The following MYH13 variants were observed in gnomAD, a reference collection of about 807,000 sequenced individuals.
MYH13 encodes myosin heavy chain 13.
Under a neutral mutation model 232.1 loss-of-function variants are expected in MYH13, and 177 were observed. That is an observed-to-expected ratio of 0.76 (90% CI 0.67 to 0.86). MYH13 has a LOEUF of 0.86. Among genes scored for constraint, MYH13 ranks in the 40% least tolerant of loss-of-function variants. MYH13 has a pLI of 0.00. For synonymous variants in MYH13, 884 were observed against 923.5 expected, an observed-to-expected ratio of 0.96 and a Z score of 0.78; for missense variants, 2,246 against 2,405.9, an observed-to-expected ratio of 0.93 and a Z score of 1.39.
Position 10,306,255 on chromosome 17 carries a change from T to TGTGTGTGC in MYH13, c.5466+203_5466+204insGCACACAC, listed in dbSNP as rs1906281627. Among the ~76,000 whole-genome samples, 3 of 151,148 alleles carry TGTGTGTGC rather than the reference T, an allele frequency of 2.0e-5. No individual in the cohort carries two copies. The highest frequency in any genetic ancestry group is 3.0e-5 in the Non-Finnish European group (2 of 67,740). On this transcript the variant is annotated intron_variant, in intron 37 of 40. Coordinates refer to ENST00000252172, the MANE Select transcript of MYH13 (RefSeq NM_003802.3). The surrounding 1 kb of genome is among the most constrained non-coding windows in gnomAD (Gnocchi z 4.3). ...GTGTGTGTGTGTGTGTGTGTGTGTGTGTGTGTGTGTGTGTTTTGGGGCATA... is the reference window on the plus strand; with the variant it reads ...GTGTGTGTGTGTGTGTGTGTGTGTGTGTGTGTGCGTGTGTGTGTGTGTTTTGGGGCATA...
chr17:10,352,104 GAGAA>G (rs1431418788), intron 11 of MYH13, among the ~76,000 whole-genome samples: 1 of 152,158 alleles, frequency 6.6e-6, no homozygotes, highest in Non-Finnish European at 1.5e-5. Flanking sequence ...TAGGTTAAAA[GAGAA>G]AGAACTCTTT....
intron 16 of MYH13, chr17:10,341,427 G>A (rs2071618953): frequency 6.6e-6 from 1 of 152,166 alleles, no homozygotes; most frequent in African/African-American, 2.4e-5. Flanking sequence ...GTAAGTAACT[G>A]AAAGTAATAA....
chr17:10,323,779 AAAAAAAAAAAGAAGAAGAAGAAG>A lies in MYH13; in HGVS notation c.2934+220_2934+242del, dbSNP rs1392257645. On this transcript the variant is annotated intron_variant, in intron 23 of 40. Transcript: ENST00000252172. ...CTCCATCTCACAAAAAAAAAAAAAA[AAAAAAAAAAAGAAGAAGAAGAAG>A]AAGAAGAAGAAGAAGAAGAAGAAGA... Among the ~76,000 whole-genome samples the A allele has an allele frequency of 6.9e-4, 70 of 100,856 alleles. 1 individual carries two copies. Among genetic ancestry groups the A allele is most frequent in the Middle Eastern group, 5.7e-3 (1 of 176 alleles). 66.2% of individuals were successfully genotyped at this position (100,856 alleles called of 152,430 possible). A position where few individuals can be genotyped will look rare whatever the true frequency, so the allele number is the denominator to read the frequency against.
At position 10,344,109 on chromosome 17, in the gene MYH13, G is replaced by A; in HGVS notation, c.1585C>T (p.Pro529Ser). Residue 529 changes from proline (P) to serine (S), a missense_variant and splice_region_variant, in exon 16 of 41, where the codon CCT (proline) becomes TCT (serine). Transcript: ENST00000252172. ...TCCAGGATGGAGAAGATGCCCATAG[G>A]CTGGAAAGAGGATAACAGAGTCTAC... ...LAACIELIEK[P>S]MGIFSILEEE... 1 of 1,613,932 alleles carries A rather than the reference G, an allele frequency of 6.2e-7. No individual in the cohort carries two copies. Among genetic ancestry groups the A allele is most frequent in the East Asian group, 2.2e-5 (1 of 44,880 alleles).
chr17:10,353,323 G>T (rs943245482), intron 11 of MYH13, among the ~76,000 whole-genome samples: 4 of 152,034 alleles, frequency 2.6e-5, no homozygotes, highest in Non-Finnish European at 5.9e-5. Context: ...AAGATAACAA[G>T]TTTATTTGAT....
chr17:10,312,109 G>C, intron 31 of MYH13, 33 bp from the exon 32 acceptor site: 2 of 1,611,030 alleles, frequency 1.2e-6, no homozygotes, highest in Non-Finnish European at 1.7e-6. Flanking sequence ...GGGAGAAGCA[G>C]AAAGCAGGGG....
intron 37 of MYH13, among the ~76,000 whole-genome samples, chr17:10,305,109 T>C (rs74774162): frequency 1.2e-3 from 188 of 152,330 alleles, no homozygotes; most frequent in African/African-American, 4.4e-3. Flanking sequence ...CTACAAAACA[T>C]TTGTTTTCCT....
Position 10,355,828 on chromosome 17 carries a change from CTTTTTTTTTTTTTTTTTTTTTTTTTTTT to C in MYH13, c.739-709_739-682del, listed in dbSNP as rs61338527. On this transcript the variant is annotated intron_variant, in intron 8 of 40. Transcript: ENST00000252172. ...TAACTGGTTGGATTGTTCTGTCTGA[CTTTTTTTTTTTTTTTTTTTTTTTTTTTT>C]TTTTTTTTTTTGCTTGTATCTTAAT... is the stretch of plus-strand genomic sequence containing the variant. Among the ~76,000 whole-genome samples, 3 of 66,768 alleles carry C rather than the reference CTTTTTTTTTTTTTTTTTTTTTTTTTTTT, an allele frequency of 4.5e-5. No homozygotes were observed. In the Admixed American group the frequency reaches 6.1e-4, roughly 14 times the overall value. 43.8% of individuals were successfully genotyped at this position (66,768 alleles called of 152,430 possible). A position where few individuals can be genotyped will look rare whatever the true frequency, so the allele number is the denominator to read the frequency against.
intron 34 of MYH13, 33 bp downstream of exon 34, chr17:10,309,489 G>T (rs762051870): frequency 1.2e-6 from 2 of 1,601,700 alleles, no homozygotes; most frequent in Non-Finnish European, 1.7e-6. Flanking sequence ...GCTGGGGCCC[G>T]TCCAGGTACG....
At chr17:10,331,567 A>G (rs978552755) in intron 20 of MYH13, among the ~76,000 whole-genome samples, 2 of 152,126 alleles carry the variant, frequency 1.3e-5, no homozygotes, top group Admixed American at 6.6e-5. Context: ...AATAAATGGC[A>G]GCTAGTTTGT....
At chr17:10,343,586 A>G (rs1283473905) in intron 16 of MYH13, among the ~76,000 whole-genome samples, 1 of 152,224 alleles carries the variant, frequency 6.6e-6, no homozygotes, top group Non-Finnish European at 1.5e-5. Flanking sequence ...GATGTTGACT[A>G]TCTTGGCCAC....
intron 16 of MYH13, among the ~76,000 whole-genome samples, chr17:10,343,443 C>T (rs1228160893): frequency 2.6e-5 from 4 of 152,130 alleles, no homozygotes; most frequent in Non-Finnish European, 5.9e-5. Flanking sequence ...AGTGATCGGC[C>T]CCCGCCTTGG....
intron 24 of MYH13, among the ~76,000 whole-genome samples, chr17:10,321,010 TAA>T (rs1186884017): frequency 6.6e-6 from 1 of 152,114 alleles, no homozygotes; most frequent in African/African-American, 2.4e-5. Flanking sequence ...TCAGAAACAT[TAA>T]AGTTATCTAG....
At chr17:10,321,843 T>C (rs750474280) in intron 23 of MYH13, 135 bp from the exon 24 acceptor site, 21 of 705,502 alleles carry the variant, frequency 3.0e-5, no homozygotes, top group Non-Finnish European at 4.6e-5. Context: ...CCTCCTAGAA[T>C]TGACAGACTC....
intron 1 of MYH13, among the ~76,000 whole-genome samples, chr17:10,372,091 C>T (rs1474189064): frequency 1.3e-5 from 2 of 152,130 alleles, no homozygotes; most frequent in Non-Finnish European, 2.9e-5. Flanking sequence ...TCCTTGTTGC[C>T]TCCTTCCTTC....
intron 18 of MYH13, among the ~76,000 whole-genome samples, chr17:10,339,793 T>C (rs1467887322): frequency 6.6e-6 from 1 of 152,244 alleles, no homozygotes; most frequent in Non-Finnish European, 1.5e-5. Flanking sequence ...TTTTTCATTG[T>C]TTAACTGAAA....
chr17:10,340,364 C>T lies in MYH13; in HGVS notation c.1932G>A (p.Lys644=). The change falls in exon 17 of 41, where the codon AAG becomes AAA. Residue 644 remains lysine, a synonymous_variant. Transcript: ENST00000252172. ...SGGSKKGGKK[K]GSSFQTVSAV... is the part of the protein sequence containing the mutation. The stretch of plus-strand genomic sequence containing the variant: ...CCGACACGGTCTGGAAAGAGGAGCC[C>T]TTCTTCTTCCCGCCCTTCTTGCTTC... 1 of 1,613,920 alleles carries T rather than the reference C, an allele frequency of 6.2e-7. No homozygotes were observed. The highest frequency in any genetic ancestry group is 1.1e-5 in the South Asian group (1 of 91,068).
In MYH13 at chr17:10,362,166, G is replaced by A. The variant is rs774388872; in HGVS notation, c.457C>T (p.Pro153Ser). 31 of 1,613,948 alleles carry A rather than the reference G, an allele frequency of 1.9e-5. No homozygotes were observed. The South Asian group carries it at 3.2e-4, about 17-fold the overall frequency. Residue 153 changes from proline (P) to serine (S), a missense_variant, in exon 5 of 41, where the codon CCC (proline) becomes TCC (serine). By Grantham distance (74) the Pro-to-Ser change is moderately conservative (BLOSUM62 -1). Transcript: ENST00000252172. ...YRGKKRQEAPPHIFSISDNAY... is the reference protein window; with the variant it reads ...YRGKKRQEAPSHIFSISDNAY... ...TTGTCAGAGATGGAGAAGATGTGGG[G>A]CGGGGCCTCCTGGCGCTTTTTGCCT...
chr17:10,312,800 A>C (rs1241600017), intron 30 of MYH13, 43 bp from the exon 31 acceptor site: 1 of 1,566,804 alleles, frequency 6.4e-7, no homozygotes, highest in South Asian at 1.2e-5. Context: ...CAAAGGTGGA[A>C]TATTTCAGTA....
Sources: allele counts gnomAD v4.1 joint callset (sites outside exome capture counted in the v4.1 genomes callset), GRCh38; gene constraint gnomAD v4.1.1; non-coding constraint Gnocchi (gnomAD v3.1); transcripts MANE v1.5; gene names NCBI Gene and HGNC (gene_info 2026-07-23, HGNC 2026-07-21).